Variants in EYS observed in about 807,000 individuals in gnomAD.
EYS encodes EGF-like photoreceptor maintenance factor, also known as protein eyes shut homolog.
Under a neutral mutation model 282.1 loss-of-function variants are expected in EYS, and 250 were observed. That is an observed-to-expected ratio of 0.89 (90% confidence interval 0.80 to 0.98). The LOEUF is 0.98. EYS is among the 50% of genes least tolerant of loss of function. The probability of loss-of-function intolerance (pLI) is 0.00; values close to 1 mark genes in which losing one functional copy is unlikely to be tolerated. For missense variants in EYS, 4,016 were observed against 3,709.0 expected, an observed-to-expected ratio of 1.08 and a Z score of -2.15; for synonymous variants, 1,355 against 1,282.9, an observed-to-expected ratio of 1.06 and a Z score of -1.20.
intron 35 of EYS, among the ~76,000 whole-genome samples, chr6:63,924,200 A>G (rs562015491): frequency 1.3e-5 from 2 of 152,350 alleles, no homozygotes; most frequent in South Asian, 4.1e-4. Context: ...CTTATGCTAC[A>G]GTTTCTAAAA....
intron 29 of EYS, among the ~76,000 whole-genome samples, chr6:64,321,850 T>C (rs1770229342): frequency 6.6e-6 from 1 of 151,918 alleles, no homozygotes; most frequent in Non-Finnish European, 1.5e-5. Context: ...AATGTGGGAC[T>C]TTAGCAACTT....
chr6:63,743,020 G>A (rs1245960850), intron 41 of EYS, among the ~76,000 whole-genome samples: 3 of 151,920 alleles, frequency 2.0e-5, no homozygotes, highest in South Asian at 2.1e-4. Flanking sequence ...TATGGTTAAT[G>A]TATGTTTTGT....
intron 26 of EYS, among the ~76,000 whole-genome samples, chr6:64,482,658 G>A (rs1384835740): frequency 1.3e-5 from 2 of 151,660 alleles, no homozygotes; most frequent in Non-Finnish European, 3.0e-5. Flanking sequence ...TATTATGGTT[G>A]TTGATATTGT....
At chr6:65,238,107 A>G (rs986355517) in intron 12 of EYS, among the ~76,000 whole-genome samples, 6 of 151,934 alleles carry the variant, frequency 3.9e-5, no homozygotes, top group African/African-American at 1.4e-4. Context: ...TCAGAACTTT[A>G]AAGTCTAACA....
intron 22 of EYS, among the ~76,000 whole-genome samples, chr6:64,742,813 C>T (rs1583104098): frequency 6.6e-6 from 1 of 152,120 alleles, no homozygotes; most frequent in Non-Finnish European, 1.5e-5. Flanking sequence ...GGGAATGGCT[C>T]CATGATGCAC....
At chr6:64,964,218 G>T (rs1056377462) in intron 14 of EYS, among the ~76,000 whole-genome samples, 1 of 151,966 alleles carries the variant, frequency 6.6e-6, no homozygotes, top group African/African-American at 2.4e-5. Context: ...CTCTCGATAT[G>T]TATTCATGTA....
At chr6:65,587,976 C>A (rs943571725) in intron 2 of EYS, among the ~76,000 whole-genome samples, 1 of 151,956 alleles carries the variant, frequency 6.6e-6, no homozygotes, top group African/African-American at 2.4e-5. Flanking sequence ...AACAATAAAT[C>A]ATTCAGAGGG....
chr6:65,476,139 C>A (rs781750804), intron 5 of EYS, among the ~76,000 whole-genome samples: 45 of 151,946 alleles, frequency 3.0e-4, no homozygotes, highest in Non-Finnish European at 5.7e-4. Context: ...TTTTTTGCGA[C>A]CCTGCTCCTG....
intron 14 of EYS, among the ~76,000 whole-genome samples, chr6:64,980,084 G>C (rs1562285096): frequency 6.6e-6 from 1 of 150,980 alleles, no homozygotes; most frequent in Non-Finnish European, 1.5e-5. Flanking sequence ...TTTTTTAAAA[G>C]AAAAGGAAAG....
intron 2 of EYS, among the ~76,000 whole-genome samples, chr6:65,553,786 A>T (rs1768686306): frequency 6.6e-6 from 1 of 152,156 alleles, no homozygotes. Context: ...TAAGCAATTG[A>T]TAATGTCCAA....
intron 8 of EYS, among the ~76,000 whole-genome samples, chr6:65,379,287 C>G (rs567356384): frequency 6.6e-6 from 1 of 152,020 alleles, no homozygotes; most frequent in Non-Finnish European, 1.5e-5. Context: ...TTGGCTTTAT[C>G]CATGGGATGC....
chr6:64,556,831 C>T (rs1298997121), intron 26 of EYS, among the ~76,000 whole-genome samples: 1 of 151,844 alleles, frequency 6.6e-6, no homozygotes, highest in African/African-American at 2.4e-5. Context: ...CACTGAAAAC[C>T]AAGGACAATT....
intron 35 of EYS, among the ~76,000 whole-genome samples, chr6:63,956,128 TA>T (rs1765809907): frequency 1.3e-5 from 2 of 152,192 alleles, no homozygotes; most frequent in Non-Finnish European, 2.9e-5. Context: ...AACACTATTT[TA>T]TTTTTCTTAT....
At chr6:65,217,265 C>T (rs985538339) in intron 12 of EYS, among the ~76,000 whole-genome samples, 2 of 152,046 alleles carry the variant, frequency 1.3e-5, no homozygotes, top group East Asian at 3.9e-4. Flanking sequence ...ATTGTTTTAA[C>T]CTGAATAAAT....
intron 12 of EYS, among the ~76,000 whole-genome samples, chr6:65,103,533 G>C (rs527511105): frequency 4.5e-4 from 68 of 151,420 alleles, no homozygotes; most frequent in African/African-American, 1.1e-3. Context: ...CTAACATCCT[G>C]ATGGGACCCA....
intron 5 of EYS, among the ~76,000 whole-genome samples, chr6:65,429,372 A>G (rs1767790588): frequency 6.6e-6 from 1 of 152,180 alleles, no homozygotes; most frequent in African/African-American, 2.4e-5. Context: ...GGATATAAAA[A>G]ATTGAAACCA....
chr6:64,176,341 T>C (rs980992553), intron 31 of EYS, among the ~76,000 whole-genome samples: 5 of 152,040 alleles, frequency 3.3e-5, no homozygotes, highest in Non-Finnish European at 5.9e-5. Flanking sequence ...CAAGAAGAAG[T>C]AACAGGTGGG....
At chr6:63,880,140 G>C (rs945617110) in intron 35 of EYS, among the ~76,000 whole-genome samples, 12 of 152,172 alleles carry the variant, frequency 7.9e-5, no homozygotes, top group African/African-American at 2.9e-4. Context: ...TATTAATCCT[G>C]CATGTGTCTG....
At chr6:65,184,864 A>G (rs1046819853) in intron 12 of EYS, among the ~76,000 whole-genome samples, 1 of 151,692 alleles carries the variant, frequency 6.6e-6, no homozygotes, top group Non-Finnish European at 1.5e-5. Context: ...ATGTATTATT[A>G]AAATATGATA....
Sources: allele counts gnomAD v4.1 joint callset (sites outside exome capture counted in the v4.1 genomes callset), GRCh38; gene constraint gnomAD v4.1.1; transcripts MANE v1.5; gene names NCBI Gene and HGNC (gene_info 2026-07-23, HGNC 2026-07-21).